TRMT9B: variants seen among roughly 807,000 people sequenced by gnomAD.
The protein encoded by TRMT9B is probable tRNA methyltransferase 9B.
A neutral mutation model predicts 11.5 loss-of-function variants in TRMT9B; 16 were observed. The ratio of observed to expected loss-of-function variants is 1.39; its 90% CI spans 0.94 to 2.11. The LOEUF is 2.11. TRMT9B is among the 30% of genes most tolerant of loss of function. The probability of loss-of-function intolerance (pLI) is 0.00; values close to 1 mark genes in which losing one functional copy is unlikely to be tolerated. For synonymous variants in TRMT9B, 274 were observed against 192.4 expected, an observed-to-expected ratio of 1.42 and a Z score of -3.51; for missense variants, 941 against 553.8, an observed-to-expected ratio of 1.70 and a Z score of -7.02.
At chr8:12,970,583 T>A (rs192446064) in intron 1 of TRMT9B, among the ~76,000 whole-genome samples, 5 of 152,352 alleles carry the variant, frequency 3.3e-5, no homozygotes, top group Middle Eastern at 3.4e-3. Context: ...GTGCTGACCT[T>A]TTTTGAGGCT....
At position 13,012,898 on chromosome 8, in the gene TRMT9B, A is replaced by G; in HGVS notation, c.328+41A>G. ...CACACATTCACCCTTTGCCATGAGAATAATTGACCCGGTTTAGTCCGTTCT... is the reference window on the plus strand; with the variant it reads ...CACACATTCACCCTTTGCCATGAGAGTAATTGACCCGGTTTAGTCCGTTCT... On this transcript the variant is annotated intron_variant, in intron 4 of 4. Coordinates refer to ENST00000524591, the MANE Select transcript of TRMT9B (RefSeq NM_020844.3). The G allele has an allele frequency of 2.5e-6, 4 of 1,604,208 alleles. No individual in the cohort carries two copies. In the South Asian group the frequency reaches 3.4e-5, roughly 13 times the overall value.
intron 1 of TRMT9B, among the ~76,000 whole-genome samples, chr8:12,984,348 G>A (rs1171498073): frequency 6.6e-6 from 1 of 152,168 alleles, no homozygotes; most frequent in Non-Finnish European, 1.5e-5. Context: ...GCCTCTTTGG[G>A]AGCAATTGTG....
Position 13,006,309 on chromosome 8 carries a change from G to A in TRMT9B, c.107G>A (p.Arg36His), listed in dbSNP as rs375051052. 45 of 1,613,390 alleles carry A rather than the reference G, an allele frequency of 2.8e-5. 1 individual carries two copies. The highest frequency in any genetic ancestry group is 1.8e-4 in the South Asian group (16 of 91,000). Residue 36 changes from arginine to histidine, a missense_variant, in exon 3 of 5, where the codon CGC (arginine) becomes CAC (histidine). By Grantham distance (29) the Arg-to-His change is conservative. Transcript: ENST00000524591. ...CAGAGCAAAGCCTGGCCTCGTGTCCGCCAGTTCCTGCAAGAGCAGAAGCCA... is the reference window on the plus strand; with the variant it reads ...CAGAGCAAAGCCTGGCCTCGTGTCCACCAGTTCCTGCAAGAGCAGAAGCCA... ...DLQSKAWPRV[R>H]QFLQEQKPGS...
intron 2 of TRMT9B, among the ~76,000 whole-genome samples, chr8:12,995,071 T>A (rs145831267): frequency 2.6e-5 from 4 of 152,360 alleles, no homozygotes; most frequent in African/African-American, 9.6e-5. Flanking sequence ...TGAAGATGTG[T>A]CAGTTTACAC....
At chr8:12,955,833 G>A (rs562560695) in intron 1 of TRMT9B, among the ~76,000 whole-genome samples, 45 of 152,132 alleles carry the variant, frequency 3.0e-4, no homozygotes, top group Non-Finnish European at 7.4e-5. Flanking sequence ...AGCCTCATGC[G>A]TTGGCTCCCG....
chr8:13,005,131 C>T (rs56048246), intron 2 of TRMT9B, among the ~76,000 whole-genome samples: 36,059 of 151,446 alleles, frequency 0.24, 5,488 homozygotes, highest in Middle Eastern at 0.41. Flanking sequence ...TCCTGTCATT[C>T]GCAATAACAT....
At chr8:12,989,690 G>T (rs1806986199) in intron 1 of TRMT9B, among the ~76,000 whole-genome samples, 1 of 152,214 alleles carries the variant, frequency 6.6e-6, no homozygotes. Flanking sequence ...GCCTGGCAGG[G>T]TAAGTCCGAA....
At chr8:13,002,523 T>A (rs1809636219) in intron 2 of TRMT9B, among the ~76,000 whole-genome samples, 1 of 152,200 alleles carries the variant, frequency 6.6e-6, no homozygotes, top group South Asian at 2.1e-4. Context: ...TAGTCAGACC[T>A]CACAAATTAG....
intron 1 of TRMT9B, 32 bp from the exon 2 acceptor site, chr8:12,990,802 A>G: frequency 7.9e-7 from 1 of 1,271,202 alleles, no homozygotes; most frequent in Non-Finnish European, 1.0e-6. Context: ...ACCATGTGAA[A>G]TGACATTTAG....
chr8:12,982,491 G>A (rs965628890), intron 1 of TRMT9B, among the ~76,000 whole-genome samples: 7 of 152,016 alleles, frequency 4.6e-5, no homozygotes, highest in Middle Eastern at 3.2e-3. Context: ...GTGAAACCCC[G>A]TCTCTACTAA....
chr8:12,990,277 C>T (rs978948005), intron 1 of TRMT9B, among the ~76,000 whole-genome samples: 1 of 152,158 alleles, frequency 6.6e-6, no homozygotes, highest in Non-Finnish European at 1.5e-5. Context: ...CTCGAGATCT[C>T]ATTGTATATC....
In TRMT9B at chr8:13,021,946, C is replaced by G. The variant is rs371288288; in HGVS notation, c.1267C>G (p.Leu423Val). Residue 423 changes from leucine (L) to valine (V), a missense_variant, in exon 5 of 5, where the codon CTG becomes GTG. Coordinates refer to ENST00000524591, the MANE Select transcript of TRMT9B (RefSeq NM_020844.3). ...GTTTCGAGAAGGGGAGCTCTGCAGT[C>G]TGCTCAAGGAGAATGTGTCAGAGCT... ...HVFREGELCS[L>V]LKENVSELRI... 2.3e-5 allele frequency: 37 copies of G among 1,613,584 alleles called. No individual in the cohort carries two copies. Among genetic ancestry groups the G allele is most frequent in the South Asian group, 7.7e-5 (7 of 91,050 alleles).
Position 13,022,638 on chromosome 8 carries a change from T to A in TRMT9B, c.*594T>A, listed in dbSNP as rs1814143696. Reference sequence around the variant, plus strand: ...GACTTTACTAAATTATAAGCAAACTTGCTTCAAAATAAGTTGACATGTGAT... The same window carrying A: ...GACTTTACTAAATTATAAGCAAACTAGCTTCAAAATAAGTTGACATGTGAT... On this transcript the variant is annotated 3_prime_UTR_variant, in exon 5 of 5. Transcript: ENST00000524591. 6.0e-6 allele frequency: 1 copy of A among 167,130 alleles called. No homozygotes were observed. Among genetic ancestry groups the A allele is most frequent in the Non-Finnish European group, 1.5e-5 (1 of 68,138 alleles). The allele number at this position is 167,130 out of a possible 1,614,324, so 10.4% of individuals were successfully genotyped here.
chr8:13,022,010 G>A lies in TRMT9B; in HGVS notation c.1331G>A (p.Cys444Tyr), dbSNP rs1304910007. The change falls in exon 5 of 5, where the codon TGT (cysteine) becomes TAT (tyrosine). Residue 444 changes from cysteine (C) to tyrosine (Y), a missense_variant. Transcript: ENST00000524591. ...LSSGNDHGNWCIIAEKKRGCD is the reference protein window; with the variant it reads ...LSSGNDHGNWYIIAEKKRGCD ...TCTGGGAATGATCATGGTAACTGGTGTATCATTGCAGAGAAAAAGAGAGGT... is the reference window on the plus strand; with the variant it reads ...TCTGGGAATGATCATGGTAACTGGTATATCATTGCAGAGAAAAAGAGAGGT... 1.2e-6 allele frequency: 2 copies of A among 1,606,594 alleles called. No individual in the cohort carries two copies. The highest frequency in any genetic ancestry group is 2.2e-5 in the East Asian group (1 of 44,832).
At chr8:12,956,874 T>C (rs1435868142) in intron 1 of TRMT9B, among the ~76,000 whole-genome samples, 1 of 152,192 alleles carries the variant, frequency 6.6e-6, no homozygotes, top group Admixed American at 6.5e-5. Flanking sequence ...GTAGATATGA[T>C]TGGATCTCTT....
chr8:12,980,987 C>G (rs926327531), intron 1 of TRMT9B, among the ~76,000 whole-genome samples: 27 of 151,958 alleles, frequency 1.8e-4, no homozygotes, highest in African/African-American at 6.0e-4. Context: ...ATGATAGAAG[C>G]AACACATTGA....
intron 3 of TRMT9B, among the ~76,000 whole-genome samples, chr8:13,008,792 C>G (rs535740228): frequency 0.012 from 1,882 of 152,134 alleles, 43 homozygotes; most frequent in African/African-American, 0.044. Context: ...GCAGGGGCGC[C>G]ATCTCGGCTC....
chr8:13,025,673 A>T lies in TRMT9B; in HGVS notation c.*3629A>T, dbSNP rs780135522. The T allele has an allele frequency of 3.6e-5, 6 of 167,030 alleles. No individual in the cohort carries two copies. The highest frequency in any genetic ancestry group is 1.4e-4 in the African/African-American group (6 of 41,442). The allele number at this position is 167,030 out of a possible 1,614,324, so 10.3% of individuals were successfully genotyped here. A position where few individuals can be genotyped will look rare whatever the true frequency, so the allele number is the denominator to read the frequency against. ...GAGAATCATTCAAGCACCTATTTAA[A>T]TTTTTTCCAATTGCCAGTATAGTGA... is the stretch of plus-strand genomic sequence containing the variant. On this transcript the variant is annotated 3_prime_UTR_variant, in exon 5 of 5. Transcript: ENST00000524591.
intron 1 of TRMT9B, among the ~76,000 whole-genome samples, chr8:12,971,012 T>C (rs568928939): frequency 6.6e-6 from 1 of 152,216 alleles, no homozygotes; most frequent in Non-Finnish European, 1.5e-5. Context: ...GTATCATAGT[T>C]GTACATATTT....
Sources: allele counts gnomAD v4.1 joint callset (sites outside exome capture counted in the v4.1 genomes callset), GRCh38; gene constraint gnomAD v4.1.1; transcripts MANE v1.5; gene names NCBI Gene and HGNC (gene_info 2026-07-23, HGNC 2026-07-21).